The following CSMD3 variants were observed in gnomAD, a reference collection of about 807,000 sequenced individuals.
CSMD3 encodes the protein CUB and sushi domain-containing protein 3.
In CSMD3, 177 loss-of-function variants were observed where a neutral mutation model predicts 435.2. The observed-to-expected ratio is 0.41, with a 90% CI of 0.36 to 0.46. CSMD3 has a LOEUF of 0.46. Among genes scored for constraint, CSMD3 ranks in the 20% least tolerant of loss-of-function variants. CSMD3 has a pLI of 0.34. For synonymous variants in CSMD3, 1,656 were observed against 1,520.5 expected, an observed-to-expected ratio of 1.09 and a Z score of -2.07; for missense variants, 4,265 against 4,504.6, an observed-to-expected ratio of 0.95 and a Z score of 1.52.
In CSMD3 at chr8:112,666,327, C is replaced by T. The variant is rs530431329; in HGVS notation, c.2766G>A (p.Glu922=). ...PGYYKDSLNC[E]WVIEAEPGHS... ...GTCCAGGTTCAGCTTCAATCACCCA[C>T]TCACAATTCAAAGAGTCTTTGTAGT... The change falls in exon 17 of 71, where the codon GAG becomes GAA. Residue 922 remains glutamate, a synonymous_variant. Coordinates refer to ENST00000297405, the MANE Select transcript of CSMD3 (RefSeq NM_198123.2). The T allele has an allele frequency of 1.9e-6, 3 of 1,612,504 alleles. No homozygotes were observed. Among genetic ancestry groups the T allele is most frequent in the East Asian group, 4.5e-5 (2 of 44,826 alleles).
intron 10 of CSMD3, among the ~76,000 whole-genome samples, chr8:112,918,755 A>G (rs1324549617): frequency 1.3e-5 from 2 of 151,950 alleles, no homozygotes; most frequent in African/African-American, 4.8e-5. Flanking sequence ...TGCTCTTTTA[A>G]TTCATAATTT....
intron 13 of CSMD3, among the ~76,000 whole-genome samples, chr8:112,715,477 C>A (rs924187942): frequency 6.6e-6 from 1 of 152,244 alleles, no homozygotes; most frequent in South Asian, 2.1e-4. Context: ...AAATTCACAG[C>A]AAAATGCTGC....
At chr8:113,435,957 C>A (rs1158425124) in intron 1 of CSMD3, among the ~76,000 whole-genome samples, 1 of 152,046 alleles carries the variant, frequency 6.6e-6, no homozygotes, top group Non-Finnish European at 1.5e-5. Flanking sequence ...CCTGTCTGAA[C>A]GCTGAGACTT....
intron 63 of CSMD3, among the ~76,000 whole-genome samples, chr8:112,250,139 G>T (rs930774212): frequency 6.6e-6 from 1 of 151,650 alleles, no homozygotes; most frequent in Admixed American, 6.6e-5. Context: ...GGTATATTTG[G>T]GTTATTTCAT....
chr8:112,732,660 A>C (rs1273137068), intron 13 of CSMD3, among the ~76,000 whole-genome samples: 1 of 143,180 alleles, frequency 7.0e-6, no homozygotes, highest in Non-Finnish European at 1.5e-5. Context: ...AGATCATGCC[A>C]CTCCACTCCA....
chr8:113,018,710 C>T (rs924962572), intron 6 of CSMD3: 3 of 227,286 alleles, frequency 1.3e-5, no homozygotes, highest in Non-Finnish European at 1.8e-5. Context: ...AGGTGAGTTT[C>T]GATTGAGAAA....
chr8:113,428,073 T>C (rs2094646584), intron 1 of CSMD3, among the ~76,000 whole-genome samples: 1 of 151,736 alleles, frequency 6.6e-6, no homozygotes, highest in Non-Finnish European at 1.5e-5. Flanking sequence ...TTGCTTACTA[T>C]CGCTTATAAA....
rs1586903340 is a variant in CSMD3 at position 112,656,335 on chromosome 8, C to G, written c.2823G>C (p.Gln941His). 2 of 1,610,728 alleles carry G rather than the reference C, an allele frequency of 1.2e-6. No individual in the cohort carries two copies. Among genetic ancestry groups the G allele is most frequent in the Non-Finnish European group, 1.7e-6 (2 of 1,177,462 alleles). The change falls in exon 18 of 71, where the codon CAG becomes CAC. Residue 941 changes from glutamine (Q) to histidine (H), a missense_variant. Physicochemically the swap from Gln to His is conservative, Grantham distance 24. This residue lies in a region of CSMD3 where 3,255 missense variants were observed against 3,380.2 expected (regional missense o/e 0.96). Transcript: ENST00000297405. ...HSIKITFERF[Q>H]TELNYDVLEV... ...CCAGAACATCATAATTCAGTTCAGTCTGAAATCTAAGATTAAAAGACACAT... is the reference window on the plus strand; with the variant it reads ...CCAGAACATCATAATTCAGTTCAGTGTGAAATCTAAGATTAAAAGACACAT...
At chr8:112,645,518 T>C (rs2131614619) in intron 19 of CSMD3, among the ~76,000 whole-genome samples, 1 of 152,010 alleles carries the variant, frequency 6.6e-6, no homozygotes, top group South Asian at 2.1e-4. Flanking sequence ...AAATTAAACA[T>C]GAGTAATTAA....
intron 58 of CSMD3, among the ~76,000 whole-genome samples, chr8:112,286,464 G>A (rs1024748873): frequency 1.3e-5 from 2 of 152,038 alleles, no homozygotes; most frequent in East Asian, 1.9e-4. Context: ...ATATCCACTC[G>A]TCAGTCACCT....
chr8:113,244,547 C>A (rs1269211838), intron 3 of CSMD3, among the ~76,000 whole-genome samples: 3 of 152,130 alleles, frequency 2.0e-5, no homozygotes, highest in African/African-American at 7.2e-5. Context: ...AACTCCTGAC[C>A]TCATGATCCG....
chr8:112,419,309 AG>A (rs1377853174), intron 32 of CSMD3, among the ~76,000 whole-genome samples: 1 of 152,170 alleles, frequency 6.6e-6, no homozygotes, highest in African/African-American at 2.4e-5. Context: ...TGAGCAAAAA[AG>A]TCTGGAGTGC....
intron 53 of CSMD3, among the ~76,000 whole-genome samples, chr8:112,300,611 A>G (rs77674192): frequency 0.014 from 2,160 of 152,142 alleles, 34 homozygotes; most frequent in South Asian, 0.036. Flanking sequence ...AAGAGGAAAG[A>G]CACTAGTCTG....
chr8:112,804,092 G>A (rs2079023968), intron 12 of CSMD3, among the ~76,000 whole-genome samples: 1 of 152,194 alleles, frequency 6.6e-6, no homozygotes, highest in Non-Finnish European at 1.5e-5. Context: ...AAACTGCAAT[G>A]GTGTATCCGA....
rs115575361 is a variant in CSMD3 at position 112,378,560 on chromosome 8, C to T, written c.6136+1792G>A. 8.9e-3 allele frequency among the ~76,000 whole-genome samples: 1,361 copies of T among 152,130 alleles called. 29 individuals are homozygous for T. The highest frequency in any genetic ancestry group is 0.031 in the African/African-American group (1,281 of 41,508). On this transcript the variant is annotated intron_variant, in intron 38 of 70. Transcript: ENST00000297405. The stretch of plus-strand genomic sequence containing the variant: ...GTTACGTTAAGTGAAATGAGCCAGG[C>T]ATAGAAAAGGGATATTGCATATTCT...
At chr8:113,190,415 C>G (rs1464794836) in intron 3 of CSMD3, among the ~76,000 whole-genome samples, 2 of 151,692 alleles carry the variant, frequency 1.3e-5, no homozygotes, top group African/African-American at 4.8e-5. Context: ...ACGAGAACTG[C>G]AAATGCAATG....
chr8:113,391,859 A>C (rs1008063166), intron 1 of CSMD3, among the ~76,000 whole-genome samples: 2 of 152,066 alleles, frequency 1.3e-5, no homozygotes, highest in Non-Finnish European at 2.9e-5. Flanking sequence ...AAGGAAGAGA[A>C]AGATAATGAA....
intron 59 of CSMD3, among the ~76,000 whole-genome samples, chr8:112,266,429 AG>A (rs1349485675): frequency 6.6e-6 from 1 of 152,232 alleles, no homozygotes; most frequent in Non-Finnish European, 1.5e-5. Flanking sequence ...GAAGGCAACA[AG>A]GCAGACTGCA....
At chr8:113,212,255 TATA>T (rs1403127543) in intron 3 of CSMD3, among the ~76,000 whole-genome samples, 3 of 152,150 alleles carry the variant, frequency 2.0e-5, no homozygotes, top group Non-Finnish European at 2.9e-5. Flanking sequence ...TTTAAGTGAA[TATA>T]ATAAAATCTG....
Sources: gnomAD v4.1 joint callset for allele counts (sites outside exome capture counted in the v4.1 genomes callset) on GRCh38, gnomAD v4.1.1 for gene constraint, gnomAD v4.1.1 regional missense constraint, MANE v1.5 for transcripts, NCBI Gene and HGNC (gene_info 2026-07-23, HGNC 2026-07-21) for gene names.